ZNF117: variants seen among roughly 807,000 people sequenced by gnomAD.
ZNF117 encodes Krueppel-related zinc finger protein.
In ZNF117, 37 loss-of-function variants were observed where a neutral mutation model predicts 41.2. The ratio of observed to expected loss-of-function variants is 0.90; its 90% CI spans 0.69 to 1.18. ZNF117 has a LOEUF of 1.18. Among genes scored for constraint, ZNF117 ranks in the 50% most tolerant of loss-of-function variants. The pLI is 0.00. For missense variants in ZNF117, 546 were observed against 557.5 expected (o/e 0.98, Z 0.21); for synonymous variants, 186 against 186.6 (o/e 1.00, Z 0.02).
At chr7:64,985,950 C>CAAAAAAAAAA (rs66524694), upstream of ZNF117, among the ~76,000 whole-genome samples, 3 of 82,122 alleles carry the variant, frequency 3.7e-5, no homozygotes, top group African/African-American at 5.3e-5. Flanking sequence ...GACTCCATCT[C>CAAAAAAAAAA]AAAAAAAAAA....
At chr7:64,989,461 A>G (rs1273975267) in intron 1 of ZNF117, among the ~76,000 whole-genome samples, 2 of 42,528 alleles carry the variant, frequency 4.7e-5, no homozygotes, top group African/African-American at 1.7e-4. Flanking sequence ...ATATATATAT[A>G]TATATATATA....
At chr7:64,982,213 A>G, upstream of ZNF117, 1 of 498,228 alleles carries the variant, frequency 2.0e-6, no homozygotes, top group Non-Finnish European at 3.6e-6. Flanking sequence ...TAAAACAGTA[A>G]AGAAAACTGG....
At chr7:64,978,319 T>C (rs200144994) in exon 3 of ZNF117, 1 of 1,608,096 alleles carries the variant, frequency 6.2e-7, no homozygotes, top group African/African-American at 1.3e-5. Context: ...TCTTCACATT[T>C]GTAGAGTTTC....
At chr7:64,978,340 G>A (rs375640693) in exon 3 of ZNF117, 1 of 1,613,504 alleles carries the variant, frequency 6.2e-7, no homozygotes, top group Non-Finnish European at 8.5e-7. Context: ...TCTCCAGTAT[G>A]AATTTTCTTA....
exon 3 of ZNF117, chr7:64,978,679 T>C (rs1263061030): frequency 6.2e-6 from 10 of 1,613,024 alleles, no homozygotes; most frequent in South Asian, 1.1e-5. Flanking sequence ...CCACTATGAA[T>C]TCTCTTATGT....
At chr7:64,979,197 G>C in exon 3 of ZNF117, 1 of 1,608,756 alleles carries the variant, frequency 6.2e-7, no homozygotes, top group Non-Finnish European at 8.5e-7. Flanking sequence ...TTTATGTTGA[G>C]TTAGGTGTGA....
At chr7:64,982,710 TC>T (rs371175567), upstream of ZNF117, among the ~76,000 whole-genome samples, 18 of 152,328 alleles carry the variant, frequency 1.2e-4, no homozygotes, top group East Asian at 3.5e-3. Flanking sequence ...GCTTTCATTT[TC>T]CTAAGGCAGA....
downstream of ZNF117, chr7:64,972,779 T>A (rs1243747369): frequency 6.6e-6 from 1 of 152,058 alleles, no homozygotes; most frequent in East Asian, 1.9e-4. Flanking sequence ...TTGAAAAACA[T>A]TGACAATGTC....
chr7:64,984,591 T>G (rs1786095493), upstream of ZNF117, among the ~76,000 whole-genome samples: 1 of 152,176 alleles, frequency 6.6e-6, no homozygotes, highest in Non-Finnish European at 1.5e-5. Context: ...TATAATTAAC[T>G]CTACTGGATA....
chr7:64,981,818 T>C (rs1410443320), intron 1 of ZNF117, among the ~76,000 whole-genome samples, 166 bp downstream of exon 2: 1 of 152,090 alleles, frequency 6.6e-6, no homozygotes, highest in Non-Finnish European at 1.5e-5. Context: ...ATGGTAAAGA[T>C]GAAACATCTT....
rs1785973875 is a variant in ZNF117, at chr7:64,979,342, AG to A, written c.228del (p.Leu77Ter). The A allele has an allele frequency of 6.3e-7, 1 of 1,594,944 alleles. No individual in the cohort carries two copies. Among genetic ancestry groups the A allele is most frequent in the African/African-American group, 1.4e-5 (1 of 74,004 alleles). On this transcript the variant is annotated frameshift_variant, in exon 3 of 3. Transcript: ENST00000620222. LOFTEE classifies it high-confidence loss of function. ...TTATTACATTGAAATATTTTGCTCA[AG>A]GTAGTTTTCAAACATTGGTTAAGTC...
At chr7:64,985,314 G>A (rs1042937101), upstream of ZNF117, among the ~76,000 whole-genome samples, 84 of 151,998 alleles carry the variant, frequency 5.5e-4, no homozygotes, top group Non-Finnish European at 5.4e-4. Context: ...AAAGTACTTC[G>A]GCCTGCAAAT....
intron 1 of ZNF117, among the ~76,000 whole-genome samples, chr7:64,987,441 C>T (rs1313607591): frequency 8.5e-5 from 13 of 152,126 alleles, no homozygotes. Context: ...AGTAACTAAT[C>T]TGATCTGTAC....
At chr7:64,989,775 A>AAG (rs79988822) in intron 1 of ZNF117, among the ~76,000 whole-genome samples, 172 bp downstream of exon 1, 44 of 150,636 alleles carry the variant, frequency 2.9e-4, no homozygotes, top group East Asian at 1.2e-3. Flanking sequence ...TTTTAAAAAA[A>AAG]AAGAAGAAGA....
chr7:64,978,423 T>C (rs2129118571), exon 3 of ZNF117: 3 of 1,613,764 alleles, frequency 1.9e-6, no homozygotes, highest in East Asian at 2.2e-5. Context: ...CTCTCCAGTA[T>C]GGATTATCTT....
chr7:64,979,452 C>A, exon 3 of ZNF117: 3 of 1,608,344 alleles, frequency 1.9e-6, no homozygotes, highest in Non-Finnish European at 2.5e-6. Context: ...TCCACATTTT[C>A]TATATCTTCT....
At chr7:64,985,497 G>T (rs1786115105), upstream of ZNF117, among the ~76,000 whole-genome samples, 6 of 152,066 alleles carry the variant, frequency 3.9e-5, no homozygotes, top group South Asian at 1.2e-3. Context: ...ACAACAAATG[G>T]AGAAAATAAA....
rs752213214 is a variant in ZNF117, at chr7:64,979,248, T to A, written c.323A>T (p.His108Leu). ...TTTGCGACATTCTTTACATTTAAAA[T>A]GTTTATTTTCAGTATGTCTCATCTT... Residue 108 changes from histidine (H) to leucine (L), a missense_variant, in exon 3 of 3, where the codon CAT (histidine) becomes CTT (leucine). Transcript: ENST00000620222. 1.2e-6 allele frequency: 2 copies of A among 1,608,076 alleles called. No individual in the cohort carries two copies. Among genetic ancestry groups the A allele is most frequent in the Admixed American group, 1.7e-5 (1 of 59,026 alleles).
chr7:64,974,294 GAA>G (rs919381323), downstream of ZNF117: 11 of 151,042 alleles, frequency 7.3e-5, no homozygotes, highest in African/African-American at 2.7e-4. Context: ...AAGTATAAAA[GAA>G]AAAAATGGTA....
Sources: allele counts gnomAD v4.1 joint callset (sites outside exome capture counted in the v4.1 genomes callset), GRCh38; gene constraint gnomAD v4.1.1; transcripts MANE v1.5; gene names NCBI Gene and HGNC (gene_info 2026-07-23, HGNC 2026-07-21).